The following KSR2 variants were observed in gnomAD, a reference collection of about 807,000 sequenced individuals.
The protein encoded by KSR2 is kinase suppressor of ras 2.
A neutral mutation model predicts 107.8 loss-of-function variants in KSR2; 25 were observed. That is an observed-to-expected ratio of 0.23 (90% CI 0.17 to 0.32). The LOEUF is 0.32. KSR2 is among the 10% of genes least tolerant of loss of function. KSR2 has a pLI of 1.00. For missense variants in KSR2, 887 were observed against 1,268.9 expected, an observed-to-expected ratio of 0.70 and a Z score of 4.57; for synonymous variants, 480 against 507.0, an observed-to-expected ratio of 0.95 and a Z score of 0.71.
At chr12:117,519,943 C>T (rs1874639033) in intron 14 of KSR2, among the ~76,000 whole-genome samples, 1 of 152,074 alleles carries the variant, frequency 6.6e-6, no homozygotes. Context: ...GAACAAAATC[C>T]CCTGGCACTT....
intron 9 of KSR2, among the ~76,000 whole-genome samples, chr12:117,542,768 G>C (rs182387267): frequency 2.6e-3 from 393 of 152,320 alleles, no homozygotes; most frequent in African/African-American, 8.6e-3. Context: ...GCTGGGATTA[G>C]AGATGTGTAC....
intron 9 of KSR2, among the ~76,000 whole-genome samples, chr12:117,542,302 T>C (rs1164390604): frequency 1.3e-5 from 2 of 152,206 alleles, no homozygotes; most frequent in African/African-American, 4.8e-5. Flanking sequence ...TGCTTTGTCA[T>C]CAATAAATGG....
At position 117,794,269 on chromosome 12, in the gene KSR2, GCA is replaced by G. The variant is rs1267927048; in HGVS notation, c.473-32747_473-32746del. On this transcript the variant is annotated intron_variant, in intron 3 of 19. Coordinates refer to ENST00000339824, the MANE Select transcript of KSR2 (RefSeq NM_173598.6). ...CCAACATGCACACATACACCAACATGCACACACACCAACATGCACTCACACAC... is the reference window on the plus strand; with the variant it reads ...CCAACATGCACACATACACCAACATGCACACACCAACATGCACTCACACAC... Among the ~76,000 whole-genome samples the G allele has an allele frequency of 1.2e-3, 75 of 63,566 alleles. 14 individuals are homozygous for G. The East Asian group carries it at 0.025, about 22-fold the overall frequency. The allele number at this position is 63,566 out of a possible 152,430, so 41.7% of individuals were successfully genotyped here. A position where few individuals can be genotyped will look rare whatever the true frequency, so the allele number is the denominator to read the frequency against.
At chr12:117,659,605 G>C (rs940682873) in intron 5 of KSR2, among the ~76,000 whole-genome samples, 1 of 152,164 alleles carries the variant, frequency 6.6e-6, no homozygotes, top group Non-Finnish European at 1.5e-5. Context: ...AGAGCCATTG[G>C]TTGGCATCAG....
intron 1 of KSR2, among the ~76,000 whole-genome samples, chr12:117,944,761 A>C (rs947231962): frequency 4.0e-5 from 6 of 151,634 alleles, no homozygotes; most frequent in African/African-American, 9.7e-5. Context: ...AGAAGGCTGA[A>C]ATGAGAGGAT....
intron 7 of KSR2, among the ~76,000 whole-genome samples, chr12:117,572,023 C>A (rs1374964437): frequency 2.0e-5 from 3 of 152,130 alleles, no homozygotes; most frequent in African/African-American, 7.2e-5. Context: ...CAGCCTGAAT[C>A]ATGGCAATAA....
chr12:117,800,962 G>A (rs1251762908), intron 3 of KSR2, among the ~76,000 whole-genome samples: 1 of 152,164 alleles, frequency 6.6e-6, no homozygotes, highest in Non-Finnish European at 1.5e-5. Context: ...ACTCCATGGT[G>A]TATACATGCC....
At chr12:117,965,743 G>A (rs1286234094) in intron 1 of KSR2, among the ~76,000 whole-genome samples, 1 of 152,168 alleles carries the variant, frequency 6.6e-6, no homozygotes, top group East Asian at 1.9e-4. Context: ...TTTATTAAAC[G>A]CAGATTCCTT....
chr12:117,596,059 C>T (rs1880624154), intron 5 of KSR2, among the ~76,000 whole-genome samples: 1 of 151,548 alleles, frequency 6.6e-6, no homozygotes, highest in South Asian at 2.1e-4. Context: ...CCTTCCCTCC[C>T]CTCCCCTCCC....
chr12:117,640,106 A>G (rs1228968444), intron 5 of KSR2, among the ~76,000 whole-genome samples: 1 of 152,188 alleles, frequency 6.6e-6, no homozygotes, highest in Non-Finnish European at 1.5e-5. Flanking sequence ...GAATCCATTC[A>G]ATATGCATTC....
chr12:117,806,112 G>A (rs1383055175), intron 3 of KSR2, among the ~76,000 whole-genome samples: 2 of 152,198 alleles, frequency 1.3e-5, no homozygotes, highest in African/African-American at 2.4e-5. Context: ...GTGGAGCGCC[G>A]TTTTAAACAA....
chr12:117,539,759 G>T lies in KSR2; in HGVS notation c.1647C>A (p.Ser549=). The T allele has an allele frequency of 6.2e-7, 1 of 1,608,038 alleles. No homozygotes were observed. Among genetic ancestry groups the T allele is most frequent in the East Asian group, 2.3e-5 (1 of 44,432 alleles). Residue 549 remains serine, a synonymous_variant, in exon 10 of 20, where the codon TCC becomes TCA. Transcript: ENST00000339824. ...TCTTCTGCTGCCGTGTGCACTGTGGGGAAGGGTGTAGGGGAGAAGGCGGCG... is the reference window on the plus strand; with the variant it reads ...TCTTCTGCTGCCGTGTGCACTGTGGTGAAGGGTGTAGGGGAGAAGGCGGCG... ...SATPPSPLHP[S]PQCTRQQKNF...
chr12:117,762,947 A>T (rs573213297), intron 3 of KSR2, among the ~76,000 whole-genome samples: 2 of 151,958 alleles, frequency 1.3e-5, no homozygotes, highest in African/African-American at 2.4e-5. Flanking sequence ...TGTGCAGGTT[A>T]GTTACATATG....
intron 1 of KSR2, among the ~76,000 whole-genome samples, chr12:117,913,238 G>A (rs1421785527): frequency 6.6e-6 from 1 of 152,144 alleles, no homozygotes; most frequent in Admixed American, 6.5e-5. Context: ...TCTTTAGGCT[G>A]TTGTGAGCCG....
chr12:117,524,929 G>A lies in KSR2; in HGVS notation c.2142C>T (p.Tyr714=), dbSNP rs750859148. ...CCACGTTCTCATGCCGTGTCTGCCT[G>A]TAGGCCATCACCTCCCGCTTGAAGG... ...LKAFKREVMA[Y]RQTRHENVVL... Residue 714 remains tyrosine (Y), a synonymous_variant, in exon 14 of 20, where the codon TAC becomes TAT. Coordinates refer to ENST00000339824, the MANE Select transcript of KSR2 (RefSeq NM_173598.6). The A allele has an allele frequency of 1.9e-6, 3 of 1,613,892 alleles. No homozygotes were observed. The South Asian group carries it at 3.3e-5, about 18-fold the overall frequency.
intron 3 of KSR2, among the ~76,000 whole-genome samples, chr12:117,815,607 C>G (rs1449850797): frequency 6.6e-6 from 1 of 151,746 alleles, no homozygotes; most frequent in African/African-American, 2.4e-5. Flanking sequence ...ATTAAGTAAA[C>G]AGTATATATG....
intron 3 of KSR2, among the ~76,000 whole-genome samples, chr12:117,848,247 G>A (rs938372838): frequency 6.6e-6 from 1 of 152,194 alleles, no homozygotes; most frequent in African/African-American, 2.4e-5. Flanking sequence ...CTGATAGCTG[G>A]GCCACATCTC....
At position 117,548,312 on chromosome 12, in the gene KSR2, A is replaced by T. The variant is rs551110120; in HGVS notation, c.1518+6857T>A. 2.0e-5 allele frequency among the ~76,000 whole-genome samples: 3 copies of T among 152,324 alleles called. No individual in the cohort carries two copies. The East Asian group carries it at 5.8e-4, about 29-fold the overall frequency. Reference sequence around the variant, plus strand: ...CTTCCACCTCTGCCACTTCTGAGGCAGTAAGACCAACCCCTCCTCTTCCTC... The same window carrying T: ...CTTCCACCTCTGCCACTTCTGAGGCTGTAAGACCAACCCCTCCTCTTCCTC... On this transcript the variant is annotated intron_variant, in intron 9 of 19. Coordinates refer to ENST00000339824, the MANE Select transcript of KSR2 (RefSeq NM_173598.6).
chr12:117,761,282 G>C lies in KSR2; in HGVS notation c.715C>G (p.Pro239Ala). Residue 239 changes from proline (P) to alanine (A), a missense_variant, in exon 4 of 20, where the codon CCG becomes GCG. Physicochemically the swap from Pro to Ala is conservative, Grantham distance 27 (BLOSUM62 -1). Coordinates refer to ENST00000339824, the MANE Select transcript of KSR2 (RefSeq NM_173598.6). ...GAACGGTGGCCCGACTCCAGTGGCG[G>C]GGGCGGGCACAAGCCCGGGTAGGCG... The part of the protein sequence containing the change: ...VDAYPGLCPP[P>A]PLESGHRSLP... The C allele has an allele frequency of 6.6e-7, 1 of 1,520,158 alleles. No individual in the cohort carries two copies. The highest frequency in any genetic ancestry group is 8.8e-7 in the Non-Finnish European group (1 of 1,137,500). The allele number at this position is 1,520,158 out of a possible 1,614,324, so 94.2% of individuals were successfully genotyped here.
Sources: gnomAD v4.1 joint callset for allele counts (sites outside exome capture counted in the v4.1 genomes callset) on GRCh38, gnomAD v4.1.1 for gene constraint, MANE v1.5 for transcripts, NCBI Gene and HGNC (gene_info 2026-07-23, HGNC 2026-07-21) for gene names.